Variants in CDH9 observed in about 807,000 individuals in gnomAD.
The protein encoded by CDH9 is cadherin-9.
In CDH9, 28 loss-of-function variants were observed where a neutral mutation model predicts 70.9. The observed-to-expected ratio is 0.40, with a 90% CI of 0.29 to 0.54. CDH9 has a LOEUF of 0.54. CDH9 is among the 20% of genes least tolerant of loss of function. The pLI, the probability that CDH9 is intolerant of heterozygous loss-of-function variation, is 0.59. For synonymous variants in CDH9, 409 were observed against 343.1 expected (o/e 1.19, Z -2.12); for missense variants, 874 against 984.4 (o/e 0.89, Z 1.50).
chr5:27,013,459 G>A (rs115959939), intron 1 of CDH9, among the ~76,000 whole-genome samples: 611 of 151,918 alleles, frequency 4.0e-3, no homozygotes, highest in Non-Finnish European at 6.6e-3. Context: ...CCCTCTTTCC[G>A]AACATAGGAT....
chr5:26,906,512 T>C (rs1048561717), intron 4 of CDH9, among the ~76,000 whole-genome samples: 1 of 152,170 alleles, frequency 6.6e-6, no homozygotes, highest in Non-Finnish European at 1.5e-5. Context: ...TTAAACCCAA[T>C]GAATAATAGT....
intron 2 of CDH9, among the ~76,000 whole-genome samples, chr5:26,961,006 G>T (rs551354210): frequency 1.4e-4 from 21 of 151,882 alleles, no homozygotes; most frequent in African/African-American, 5.1e-4. Flanking sequence ...GATTTCAATG[G>T]CTGGAAAGTA....
chr5:26,957,644 A>G (rs1313246406), intron 2 of CDH9, among the ~76,000 whole-genome samples: 3 of 152,124 alleles, frequency 2.0e-5, no homozygotes, highest in Non-Finnish European at 4.4e-5. Flanking sequence ...CCTGGGGAAC[A>G]GAAGAGACGG....
rs1277813268 is a variant in CDH9, at chr5:26,988,244, A to C, written c.90T>G (p.Ser30Arg). 1 of 1,613,504 alleles carries C rather than the reference A, an allele frequency of 6.2e-7. No individual in the cohort carries two copies. Among genetic ancestry groups the C allele is most frequent in the Non-Finnish European group, 8.5e-7 (1 of 1,179,582 alleles). Residue 30 changes from serine (S) to arginine (R), a missense_variant, in exon 2 of 12, where the codon AGT (serine) becomes AGG (arginine). By Grantham distance (110) the Ser-to-Arg change is moderately radical. Coordinates refer to ENST00000231021, the MANE Select transcript of CDH9 (RefSeq NM_016279.4). ...CCGCTATCTTTTTGCTTGATAAATA[A>C]CTGTTAGGTTTTTCTTGTAATAGGA... is the stretch of plus-strand genomic sequence containing the variant. ...DTILLQEKPN[S>R]YLSSKKIAGL...
intron 1 of CDH9, among the ~76,000 whole-genome samples, chr5:26,996,318 G>A (rs1009094781): frequency 6.6e-6 from 1 of 151,790 alleles, no homozygotes; most frequent in Non-Finnish European, 1.5e-5. Flanking sequence ...TGTGTGATAC[G>A]GTCATATAAT....
At chr5:26,897,553 G>A (rs1241187118) in intron 7 of CDH9, among the ~76,000 whole-genome samples, 2 of 151,934 alleles carry the variant, frequency 1.3e-5, no homozygotes, top group Admixed American at 6.6e-5. Context: ...TATAAACAGA[G>A]CCAATGACAA....
chr5:26,908,141 G>A (rs780347609), intron 3 of CDH9, among the ~76,000 whole-genome samples: 2 of 152,082 alleles, frequency 1.3e-5, no homozygotes, highest in Non-Finnish European at 2.9e-5. Context: ...TGAGGCCTCT[G>A]TTTTCTCAAC....
At chr5:27,011,945 C>A (rs1742966631) in intron 1 of CDH9, among the ~76,000 whole-genome samples, 1 of 151,798 alleles carries the variant, frequency 6.6e-6, no homozygotes, top group African/African-American at 2.4e-5. Flanking sequence ...GGTGCAAATT[C>A]TCTTAGAAAG....
intron 2 of CDH9, among the ~76,000 whole-genome samples, chr5:26,956,055 G>T (rs2112054165): frequency 6.6e-6 from 1 of 152,284 alleles, no homozygotes; most frequent in Non-Finnish European, 1.5e-5. Context: ...CGAAGTTTCT[G>T]CCCTTGTTGA....
chr5:26,952,478 A>AC (rs1419339625), intron 2 of CDH9, among the ~76,000 whole-genome samples: 1,600 of 135,178 alleles, frequency 0.012, 16 homozygotes, highest in Non-Finnish European at 0.022. Flanking sequence ...AAAAAAAAAA[A>AC]AAAAAAAAAA....
intron 11 of CDH9, among the ~76,000 whole-genome samples, chr5:26,883,098 A>T (rs1260672982): frequency 2.5e-5 from 3 of 120,344 alleles, no homozygotes; most frequent in African/African-American, 9.6e-5. Context: ...TATATATAAA[A>T]CTGCAGTAAA....
At chr5:26,914,314 T>C (rs763300755) in intron 3 of CDH9, among the ~76,000 whole-genome samples, 1 of 151,978 alleles carries the variant, frequency 6.6e-6, no homozygotes, top group African/African-American at 2.4e-5. Flanking sequence ...TAATTTTATA[T>C]GTACCTTAAT....
chr5:26,899,638 G>A (rs1445747956), intron 7 of CDH9, among the ~76,000 whole-genome samples: 1 of 151,796 alleles, frequency 6.6e-6, no homozygotes, highest in African/African-American at 2.4e-5. Context: ...CACACACTGG[G>A]GCCTGTAGAG....
chr5:26,981,185 T>G (rs1299888466), intron 2 of CDH9, among the ~76,000 whole-genome samples: 1 of 152,108 alleles, frequency 6.6e-6, no homozygotes. Context: ...TTAAAAAGGA[T>G]AATTTATAAT....
chr5:27,025,920 T>C (rs996069441), intron 1 of CDH9, among the ~76,000 whole-genome samples: 5 of 151,990 alleles, frequency 3.3e-5, no homozygotes, highest in African/African-American at 1.2e-4. Context: ...TATACTGATA[T>C]ATATTCTTAC....
intron 2 of CDH9, among the ~76,000 whole-genome samples, chr5:26,981,009 A>T (rs1742390375): frequency 6.6e-6 from 1 of 152,110 alleles, no homozygotes; most frequent in Non-Finnish European, 1.5e-5. Context: ...AGTCCCAACC[A>T]GACAAATATC....
intron 2 of CDH9, among the ~76,000 whole-genome samples, chr5:26,983,381 A>C (rs2112086643): frequency 6.6e-6 from 1 of 152,326 alleles, no homozygotes; most frequent in African/African-American, 2.4e-5. Flanking sequence ...GATATTGTAT[A>C]AACTGCTTCT....
intron 2 of CDH9, among the ~76,000 whole-genome samples, chr5:26,925,065 C>T (rs1405743461): frequency 1.3e-5 from 2 of 152,082 alleles, no homozygotes; most frequent in Non-Finnish European, 2.9e-5. Context: ...GGGCATATAT[C>T]CAGTAATGGC....
chr5:26,999,725 T>C (rs1579504556), intron 1 of CDH9, among the ~76,000 whole-genome samples: 1 of 152,154 alleles, frequency 6.6e-6, no homozygotes, highest in East Asian at 1.9e-4. Flanking sequence ...ACTTTTCACT[T>C]GAAGTAACAC....
Sources: gnomAD v4.1 joint callset for allele counts (sites outside exome capture counted in the v4.1 genomes callset) on GRCh38, gnomAD v4.1.1 for gene constraint, MANE v1.5 for transcripts, NCBI Gene and HGNC (gene_info 2026-07-23, HGNC 2026-07-21) for gene names.